MRRF: variants seen among roughly 807,000 people sequenced by gnomAD.
MRRF encodes mitochondrial ribosome recycling factor.
Under a neutral mutation model 25.1 loss-of-function variants are expected in MRRF, and 18 were observed. That is an observed-to-expected ratio of 0.72 (90% confidence interval 0.50 to 1.06). MRRF has a LOEUF of 1.06. MRRF is among the 50% of genes least tolerant of loss of function. The pLI is 0.00. For synonymous variants in MRRF, 113 were observed against 112.1 expected (o/e 1.01, Z -0.05); for missense variants, 323 against 319.3 (o/e 1.01, Z -0.09).
chr9:122,272,403 C>T (rs1226501993), intron 2 of MRRF, among the ~76,000 whole-genome samples: 3 of 152,044 alleles, frequency 2.0e-5, no homozygotes. Context: ...CTGTGGCTCA[C>T]ACCTGTAATC....
chr9:122,286,710 A>G (rs1833429123), intron 4 of MRRF, among the ~76,000 whole-genome samples: 1 of 152,168 alleles, frequency 6.6e-6, no homozygotes, highest in Non-Finnish European at 1.5e-5. Context: ...AAGACCTTGT[A>G]TCTTAAATAA....
chr9:122,265,669 A>G (rs929655884), intron 1 of MRRF: 14 of 905,688 alleles, frequency 1.5e-5, no homozygotes, highest in African/African-American at 6.8e-5. Flanking sequence ...AACAAAATCT[A>G]CGTAGGAGAA....
rs536025300 is a variant in MRRF, at chr9:122,307,070, C to T, written c.552-6157C>T. Among the ~76,000 whole-genome samples, 133 of 152,204 alleles carry T rather than the reference C, an allele frequency of 8.7e-4. 1 individual carries two copies. The highest frequency in any genetic ancestry group is 3.0e-3 in the African/African-American group (125 of 41,534). On this transcript the variant is annotated intron_variant, in intron 5 of 6. Coordinates refer to ENST00000344641, the MANE Select transcript of MRRF (RefSeq NM_138777.5). Reference sequence around the variant, plus strand: ...CGTAAAACAGGCTAGTGGGATGAGGCGAGGGTGGTGTCCCTAGAAGCATAG... The same window carrying T: ...CGTAAAACAGGCTAGTGGGATGAGGTGAGGGTGGTGTCCCTAGAAGCATAG...
intron 6 of MRRF, among the ~76,000 whole-genome samples, chr9:122,319,147 C>CTTTTTTTTTTTTTTTT (rs35949709): frequency 8.3e-6 from 1 of 121,016 alleles, no homozygotes. Flanking sequence ...TTCTTTCTTT[C>CTTTTTTTTTTTTTTTT]TTTTTTTTTT....
At chr9:122,299,878 A>AT (rs1834336485) in intron 5 of MRRF, among the ~76,000 whole-genome samples, 1 of 152,142 alleles carries the variant, frequency 6.6e-6, no homozygotes, top group African/African-American at 2.4e-5. Flanking sequence ...TTAGACAGAG[A>AT]TTGATGGGCT....
chr9:122,288,208 A>G (rs1357920651), intron 4 of MRRF, among the ~76,000 whole-genome samples: 1 of 152,206 alleles, frequency 6.6e-6, no homozygotes. Flanking sequence ...AATAAAAACC[A>G]CAGCATGATT....
chr9:122,280,703 A>G, intron 3 of MRRF, 105 bp downstream of exon 3: 1 of 1,065,270 alleles, frequency 9.4e-7, no homozygotes, highest in South Asian at 1.3e-5. Context: ...ACTGGTGGCC[A>G]TGGGCAGTTA....
Position 122,280,540 on chromosome 9 carries a change from T to G in MRRF, c.282T>G (p.Ser94=). The G allele has an allele frequency of 6.2e-7, 1 of 1,614,042 alleles. No homozygotes were observed. The highest frequency in any genetic ancestry group is 1.3e-5 in the African/African-American group (1 of 75,066). The part of the protein sequence containing the change: ...NLEEVNEEMK[S]VIEALKDNFN... Reference sequence around the variant, plus strand: ...AAGAGGTGAATGAAGAAATGAAGTCTGTGATAGAAGCTCTCAAGGATAATT... The same window carrying G: ...AAGAGGTGAATGAAGAAATGAAGTCGGTGATAGAAGCTCTCAAGGATAATT... The change falls in exon 3 of 7, where the codon TCT becomes TCG. Residue 94 remains serine (S), a synonymous_variant. Coordinates refer to ENST00000344641, the MANE Select transcript of MRRF (RefSeq NM_138777.5).
chr9:122,315,818 C>A (rs1030777696), intron 6 of MRRF, among the ~76,000 whole-genome samples: 1 of 152,132 alleles, frequency 6.6e-6, no homozygotes, highest in African/African-American at 2.4e-5. Context: ...ACATCTGCCT[C>A]AGGGACCAGA....
intron 5 of MRRF, among the ~76,000 whole-genome samples, chr9:122,302,001 C>T (rs1834499465): frequency 6.6e-6 from 1 of 151,844 alleles, no homozygotes. Context: ...GCCTTGGCCT[C>T]CCAAAATGCT....
At position 122,322,625 on chromosome 9, in the gene MRRF, C is replaced by T. The variant is rs751385219; in HGVS notation, c.*8C>T. The T allele has an allele frequency of 6.2e-7, 1 of 1,613,784 alleles. No individual in the cohort carries two copies. The highest frequency in any genetic ancestry group is 8.5e-7 in the Non-Finnish European group (1 of 1,179,750). ...AAAGAACTCCTTGGATGAAAGTCCA[C>T]TGGGGCCAGCAATACTCCAGAGCCC... On this transcript the variant is annotated 3_prime_UTR_variant, in exon 7 of 7. Transcript: ENST00000344641.
intron 5 of MRRF, among the ~76,000 whole-genome samples, chr9:122,306,520 GC>G (rs1460001975): frequency 1.3e-5 from 2 of 152,162 alleles, no homozygotes; most frequent in African/African-American, 4.8e-5. Context: ...TGGACCTCAA[GC>G]CCCAACAGTC....
intron 5 of MRRF, among the ~76,000 whole-genome samples, chr9:122,309,978 A>C (rs1473274156): frequency 6.6e-6 from 1 of 152,230 alleles, no homozygotes; most frequent in African/African-American, 2.4e-5. Context: ...AAGATGCTTC[A>C]GGGCTTCCAA....
intron 1 of MRRF, among the ~76,000 whole-genome samples, chr9:122,266,776 G>A (rs1374407023): frequency 2.6e-5 from 4 of 152,172 alleles, no homozygotes; most frequent in Non-Finnish European, 5.9e-5. Context: ...TTTGGAAAAA[G>A]AATGTGTGCT....
intron 6 of MRRF, among the ~76,000 whole-genome samples, chr9:122,318,088 A>T (rs1473713160): frequency 6.6e-6 from 1 of 152,164 alleles, no homozygotes; most frequent in Non-Finnish European, 1.5e-5. Flanking sequence ...GTGAGCCGAA[A>T]TCGCGCCACT....
chr9:122,294,266 C>T (rs1276916960), intron 5 of MRRF, among the ~76,000 whole-genome samples: 1 of 152,194 alleles, frequency 6.6e-6, no homozygotes, highest in Non-Finnish European at 1.5e-5. Flanking sequence ...TAGGGTGACT[C>T]AGTTGTGTAT....
Position 122,308,700 on chromosome 9 carries a change from A to G in MRRF, c.552-4527A>G, listed in dbSNP as rs936454020. On this transcript the variant is annotated intron_variant, in intron 5 of 6. Coordinates refer to ENST00000344641, the MANE Select transcript of MRRF (RefSeq NM_138777.5). Reference sequence around the variant, plus strand: ...GGTGACAGAGCAAGACTCCATCTCCAAAAAAAAAAAAAAAAAAAAAAAGAT... The same window carrying G: ...GGTGACAGAGCAAGACTCCATCTCCGAAAAAAAAAAAAAAAAAAAAAAGAT... Among the ~76,000 whole-genome samples, 99 of 115,460 alleles carry G rather than the reference A, an allele frequency of 8.6e-4. 1 individual carries two copies. The highest frequency in any genetic ancestry group is 3.7e-3 in the African/African-American group (99 of 26,638). The allele number at this position is 115,460 out of a possible 152,430, so 75.7% of individuals were successfully genotyped here.
At chr9:122,305,426 A>T (rs1379927120) in intron 5 of MRRF, among the ~76,000 whole-genome samples, 1 of 151,958 alleles carries the variant, frequency 6.6e-6, no homozygotes, top group Non-Finnish European at 1.5e-5. Flanking sequence ...AAAAAAAAAA[A>T]AAAATTGTAA....
intron 4 of MRRF, chr9:122,285,589 A>G (rs557367958): frequency 7.0e-5 from 31 of 442,754 alleles, no homozygotes; most frequent in African/African-American, 6.1e-4. Flanking sequence ...TGAGCTGGAG[A>G]GCCTGTACCT....
Sources: allele counts gnomAD v4.1 joint callset (sites outside exome capture counted in the v4.1 genomes callset), GRCh38; gene constraint gnomAD v4.1.1; transcripts MANE v1.5; gene names NCBI Gene and HGNC (gene_info 2026-07-23, HGNC 2026-07-21).